The following GTF3C1 variants were observed in gnomAD, a reference collection of about 807,000 sequenced individuals.
GTF3C1 encodes general transcription factor IIIC subunit 1.
GTF3C1 carries 57 observed loss-of-function variants against 226.7 expected under a neutral mutation model. The observed-to-expected ratio is 0.25, with a 90% confidence interval of 0.20 to 0.31. The LOEUF is 0.31. Among genes scored for constraint, GTF3C1 ranks in the 10% least tolerant of loss-of-function variants. The pLI is 1.00. For synonymous variants in GTF3C1, 1,090 were observed against 1,084.8 expected, an observed-to-expected ratio of 1.00 and a Z score of -0.09; for missense variants, 2,217 against 2,776.1, an observed-to-expected ratio of 0.80 and a Z score of 4.53.
chr16:27,472,188 G>C (rs1596616333), intron 29 of GTF3C1, among the ~76,000 whole-genome samples: 1 of 152,146 alleles, frequency 6.6e-6, no homozygotes, highest in Non-Finnish European at 1.5e-5. Flanking sequence ...GACGAGACAG[G>C]GGGGCTATTC....
chr16:27,462,343 C>G lies in GTF3C1; in HGVS notation c.6068G>C (p.Arg2023Pro). 1.9e-6 allele frequency: 3 copies of G among 1,572,424 alleles called. No homozygotes were observed. Among genetic ancestry groups the G allele is most frequent in the Non-Finnish European group, 2.6e-6 (3 of 1,159,122 alleles). The change falls in exon 36 of 37, where the codon CGC becomes CCC. Residue 2023 changes from arginine (R) to proline (P), a missense_variant. By Grantham distance (103) the Arg-to-Pro change is moderately radical (BLOSUM62 -2). This residue lies in a region of GTF3C1 where 153 missense variants were observed against 199.8 expected (regional missense o/e 0.77). Transcript: ENST00000356183. The surrounding 1 kb of genome is among the most constrained non-coding windows in gnomAD (Gnocchi z 4.5). ...GGGCTGCAGGACCCCCTGGTAGTGG[C>G]GCAGCAGGGAGCTCTCGGGGATGCC... ...RPGIPESSLL[R>P]HYQGVLQPVA...
intron 20 of GTF3C1, 28 bp downstream of exon 20, chr16:27,489,574 G>A: frequency 6.4e-7 from 1 of 1,572,500 alleles, no homozygotes; most frequent in East Asian, 2.3e-5. Context: ...CCCAGTCCTG[G>A]CCGGCCGCGC....
In GTF3C1 at chr16:27,511,363, G is replaced by A. The variant is rs541250347; in HGVS notation, c.1126+386C>T. On this transcript the variant is annotated intron_variant, in intron 7 of 36. Coordinates refer to ENST00000356183, the MANE Select transcript of GTF3C1 (RefSeq NM_001520.4). Reference sequence around the variant, plus strand: ...CCCCCACGGCTTCCCTAGTTCTGACGCTTCCCTGGGCCTCCAGCTCGCAGA... The same window carrying A: ...CCCCCACGGCTTCCCTAGTTCTGACACTTCCCTGGGCCTCCAGCTCGCAGA... 3.9e-5 allele frequency among the ~76,000 whole-genome samples: 6 copies of A among 152,326 alleles called. No individual in the cohort carries two copies. The East Asian group carries it at 7.7e-4, about 20-fold the overall frequency.
chr16:27,546,713 T>C (rs187567233), intron 1 of GTF3C1, among the ~76,000 whole-genome samples: 3 of 152,106 alleles, frequency 2.0e-5, no homozygotes, highest in Non-Finnish European at 4.4e-5. Context: ...CCTATGTACA[T>C]GTTTCAGCCC....
In GTF3C1 at chr16:27,528,639, T is replaced by C. The variant is rs769320171; in HGVS notation, c.932A>G (p.Gln311Arg). The C allele has an allele frequency of 3.7e-6, 6 of 1,612,448 alleles. No homozygotes were observed. The change falls in exon 6 of 37, where the codon CAA (glutamine) becomes CGA (arginine). Residue 311 changes from glutamine to arginine, a missense_variant. Gln to Arg is a conservative substitution (Grantham distance 43). Around this residue, in one of 12 missense-constraint regions of GTF3C1, gnomAD observed 163 missense variants for 234.3 expected, o/e 0.70. Transcript: ENST00000356183. ...GLAKVVSLRL[Q>R]EIHPECGPCK... ...AGGTCCACATTCAGGGTGGATCTCT[T>C]GCAAGCGAAGAGACACCACCTTGGC...
chr16:27,492,423 C>G lies in GTF3C1; in HGVS notation c.3066G>C (p.Glu1022Asp), dbSNP rs773175888. Residue 1022 changes from glutamate (E) to aspartate (D), a missense_variant, in exon 19 of 37, where the codon GAG becomes GAC. Physicochemically the swap from Glu to Asp is conservative, Grantham distance 45. Coordinates refer to ENST00000356183, the MANE Select transcript of GTF3C1 (RefSeq NM_001520.4). The surrounding 1 kb of genome is among the most constrained non-coding windows in gnomAD (Gnocchi z 5.0). ...TTGAGTTCAGGACATAGAGGCGCCT[C>G]TCGAAGGGCCGGCTGCTGCGGGCCA... Reference protein sequence around the residue: ...YNLARSSRPFERRLYVLNSMQ... With the variant: ...YNLARSSRPFDRRLYVLNSMQ... The G allele has an allele frequency of 6.2e-7, 1 of 1,612,420 alleles. No individual in the cohort carries two copies. The highest frequency in any genetic ancestry group is 8.5e-7 in the Non-Finnish European group (1 of 1,178,564).
At position 27,463,592 on chromosome 16, in the gene GTF3C1, C is replaced by T. The variant is rs758981035; in HGVS notation, c.5873G>A (p.Gly1958Glu). ...GGCAGCTCCGAAACTCTCTGTGAAC[C>T]CTGAGGGAAGAGGAAGAGAATGTGA... ...QPPEGSEDPRGFTESFGAANI... is the reference protein window; with the variant it reads ...QPPEGSEDPREFTESFGAANI... Residue 1958 changes from glycine to glutamate, a missense_variant and splice_region_variant, in exon 35 of 37, where the codon GGG becomes GAG. Physicochemically the swap from Gly to Glu is moderately conservative, Grantham distance 98. This residue lies in a region of GTF3C1 where 455 missense variants were observed against 441.9 expected (regional missense o/e 1.03). Coordinates refer to ENST00000356183, the MANE Select transcript of GTF3C1 (RefSeq NM_001520.4). This position sits in a 1 kb window ranked among gnomAD's most constrained non-coding sequence, Gnocchi z 4.9. The T allele has an allele frequency of 1.9e-6, 3 of 1,582,880 alleles. No individual in the cohort carries two copies. The East Asian group carries it at 6.7e-5, about 35-fold the overall frequency.
At chr16:27,549,635 G>GC in intron 1 of GTF3C1, 35 bp downstream of exon 1, 3 of 426,626 alleles carry the variant, frequency 7.0e-6, no homozygotes, top group Non-Finnish European at 1.2e-5. Context: ...CCCTGCGCCC[G>GC]CCCGCCCGCC....
rs1426870737 is a variant in GTF3C1 at position 27,511,738 on chromosome 16, A to C, written c.1126+11T>G. ...GATCCATATCCAAGCTGGCATGGGA[A>C]CAAGACTTACTGAGGTCGTAGGTCT... is the stretch of plus-strand genomic sequence containing the variant. On this transcript the variant is annotated intron_variant, in intron 7 of 36. Coordinates refer to ENST00000356183, the MANE Select transcript of GTF3C1 (RefSeq NM_001520.4). 2 of 1,613,718 alleles carry C rather than the reference A, an allele frequency of 1.2e-6. No individual in the cohort carries two copies. The highest frequency in any genetic ancestry group is 2.2e-5 in the South Asian group (2 of 91,020).
At chr16:27,543,353 T>G (rs967478151) in intron 2 of GTF3C1, among the ~76,000 whole-genome samples, 1 of 152,042 alleles carries the variant, frequency 6.6e-6, no homozygotes, top group Non-Finnish European at 1.5e-5. Context: ...GCCACTGTAC[T>G]CCAGCCTAGG....
chr16:27,545,368 T>C lies in GTF3C1; in HGVS notation c.377A>G (p.Asp126Gly). 6.2e-7 allele frequency: 1 copy of C among 1,614,080 alleles called. No individual in the cohort carries two copies. Among genetic ancestry groups the C allele is most frequent in the East Asian group, 2.2e-5 (1 of 44,890 alleles). ...AGGCTGCAAGGACTTGGTTCTGATG[T>C]CATTGGTAATGTTTTTCCTCTCCTT... is the stretch of plus-strand genomic sequence containing the variant. ...YFKERKNITN[D>G]IRTKSLQPRC... Residue 126 changes from aspartate (D) to glycine (G), a missense_variant, in exon 2 of 37, where the codon GAC (aspartate) becomes GGC (glycine). Physicochemically the swap from Asp to Gly is moderately conservative, Grantham distance 94. This residue lies in a region of GTF3C1 where 192 missense variants were observed against 251.8 expected (regional missense o/e 0.76). Coordinates refer to ENST00000356183, the MANE Select transcript of GTF3C1 (RefSeq NM_001520.4).
In GTF3C1 at chr16:27,461,476, C is replaced by T; in HGVS notation, c.6204G>A (p.Glu2068=). 4.3e-6 allele frequency: 7 copies of T among 1,613,976 alleles called. No individual in the cohort carries two copies. The highest frequency in any genetic ancestry group is 5.9e-6 in the Non-Finnish European group (7 of 1,179,900). Residue 2068 remains glutamate (E), a synonymous_variant, in exon 37 of 37, where the codon GAG becomes GAA. Transcript: ENST00000356183. This position sits in a 1 kb window ranked among gnomAD's most constrained non-coding sequence, Gnocchi z 5.3. ...VSLFSTPVVE[E]VEVPSSLDES... ...CGTCCAGGCTGGAGGGCACTTCCAC[C>T]TCTTCCACCACGGGTGTAGAGAAGA...
At chr16:27,520,786 C>T (rs2088734971) in intron 6 of GTF3C1, among the ~76,000 whole-genome samples, 1 of 152,108 alleles carries the variant, frequency 6.6e-6, no homozygotes, top group South Asian at 2.1e-4. Flanking sequence ...GAGGTGTGAT[C>T]TCAGCTCACT....
chr16:27,489,718 C>T lies in GTF3C1; in HGVS notation c.3177G>A (p.Arg1059=), dbSNP rs145278149. Residue 1059 remains arginine, a synonymous_variant, in exon 20 of 37, where the codon AGG becomes AGA. Coordinates refer to ENST00000356183, the MANE Select transcript of GTF3C1 (RefSeq NM_001520.4). ...TGCCCTGGTCTGTGCTGCTGTTCTT[C>T]CTGACGCGCGGGCAGCGCACCACGC... ...PLGVVRCPRV[R]KNSSTDQGSD... 4.8e-4 allele frequency: 775 copies of T among 1,611,998 alleles called. 1 individual carries two copies. The highest frequency in any genetic ancestry group is 6.3e-4 in the Non-Finnish European group (748 of 1,179,810).
At chr16:27,495,667 T>C (rs930464338) in intron 14 of GTF3C1, among the ~76,000 whole-genome samples, 175 bp from the exon 15 acceptor site, 2 of 152,124 alleles carry the variant, frequency 1.3e-5, no homozygotes, top group African/African-American at 4.8e-5. Flanking sequence ...AAATATAATA[T>C]CTAAAATAGC....
intron 27 of GTF3C1, among the ~76,000 whole-genome samples, chr16:27,480,044 C>CA (rs1355966480): frequency 4.0e-5 from 6 of 151,550 alleles, no homozygotes; most frequent in African/African-American, 1.5e-4. Context: ...ACTAAAAATA[C>CA]AAAAAAATTA....
intron 6 of GTF3C1, among the ~76,000 whole-genome samples, chr16:27,513,105 A>C (rs985448352): frequency 3.3e-5 from 5 of 152,296 alleles, no homozygotes; most frequent in Non-Finnish European, 7.4e-5. Flanking sequence ...GGTGAAGTTA[A>C]GAATTTTGAG....
intron 11 of GTF3C1, among the ~76,000 whole-genome samples, chr16:27,502,169 G>A (rs529644500): frequency 2.4e-4 from 37 of 152,100 alleles, no homozygotes; most frequent in Middle Eastern, 3.4e-3. Context: ...ACCTCTCATG[G>A]CTCAGAGGCG....
At chr16:27,504,588 A>G (rs1019908193) in intron 10 of GTF3C1, among the ~76,000 whole-genome samples, 3 of 152,188 alleles carry the variant, frequency 2.0e-5, no homozygotes, top group African/African-American at 7.2e-5. Flanking sequence ...TTCTTCTCAC[A>G]GACCAAAGCT....
Sources: gnomAD v4.1 joint callset for allele counts (sites outside exome capture counted in the v4.1 genomes callset) on GRCh38, gnomAD v4.1.1 for gene constraint, gnomAD v4.1.1 regional missense constraint, Gnocchi (gnomAD v3.1) non-coding constraint, MANE v1.5 for transcripts, NCBI Gene and HGNC (gene_info 2026-07-23, HGNC 2026-07-21) for gene names.